Variants in EXOC6B observed in about 807,000 individuals in gnomAD.
EXOC6B encodes exocyst complex component 6B, also known as SEC15 homolog B.
Under a neutral mutation model 113.5 loss-of-function variants are expected in EXOC6B, and 54 were observed. The ratio of observed to expected loss-of-function variants is 0.48; its 90% CI spans 0.38 to 0.60. The LOEUF (loss-of-function observed/expected upper bound fraction) is 0.60. EXOC6B is among the 20% of genes least tolerant of loss of function. The pLI, the probability that EXOC6B is intolerant of heterozygous loss-of-function variation, is 0.00. For missense variants in EXOC6B, 797 were observed against 977.5 expected (o/e 0.82, Z 2.46); for synonymous variants, 357 against 339.0 (o/e 1.05, Z -0.58).
chr2:72,427,624 G>A (rs1206922148), intron 18 of EXOC6B, among the ~76,000 whole-genome samples: 1 of 152,222 alleles, frequency 6.6e-6, no homozygotes, highest in Non-Finnish European at 1.5e-5. Flanking sequence ...GGGGTGCTGA[G>A]AGGAACTCAG....
chr2:72,766,956 GAAAA>G (rs971595036), intron 1 of EXOC6B, among the ~76,000 whole-genome samples: 1 of 56,880 alleles, frequency 1.8e-5, no homozygotes, highest in African/African-American at 6.2e-5. Context: ...TGTCTCAAAA[GAAAA>G]AAAAAAAAAA....
At position 72,775,983 on chromosome 2, in the gene EXOC6B, T is replaced by G. The variant is rs189750109; in HGVS notation, c.114-34514A>C. ...CTGGTTTGATATTATAGCATTGTTT[T>G]GCAAGATGTTACTGAGGGGAATTAA... On this transcript the variant is annotated intron_variant, in intron 1 of 21. Transcript: ENST00000272427. Among the ~76,000 whole-genome samples the G allele has an allele frequency of 5.3e-5, 8 of 152,336 alleles. No individual in the cohort carries two copies. In the East Asian group the frequency reaches 1.5e-3, roughly 29 times the overall value.
intron 2 of EXOC6B, among the ~76,000 whole-genome samples, chr2:72,737,808 C>T (rs1412565338): frequency 2.6e-5 from 4 of 151,946 alleles, no homozygotes; most frequent in African/African-American, 9.7e-5. Flanking sequence ...ACCAAGATCA[C>T]GCTGCTGCAC....
chr2:72,581,951 T>G (rs145347638), intron 6 of EXOC6B, among the ~76,000 whole-genome samples: 299 of 152,226 alleles, frequency 2.0e-3, no homozygotes, highest in African/African-American at 6.9e-3. Context: ...AACAGAGAGC[T>G]TCTCCCAATA....
At chr2:72,492,552 A>C in intron 15 of EXOC6B, 123 bp from the exon 16 acceptor site, 1 of 531,460 alleles carries the variant, frequency 1.9e-6, no homozygotes, top group Non-Finnish European at 3.4e-6. Context: ...AATAATACTT[A>C]TTGTAAGTCA....
At chr2:72,242,703 AAAT>A in intron 20 of EXOC6B, among the ~76,000 whole-genome samples, 1 of 152,302 alleles carries the variant, frequency 6.6e-6, no homozygotes, top group Admixed American at 6.5e-5. Context: ...AGAGTGAATA[AAAT>A]AATAAGACCC....
At chr2:72,428,463 CCATGCCAG>C (rs1256482790) in intron 18 of EXOC6B, among the ~76,000 whole-genome samples, 1 of 152,168 alleles carries the variant, frequency 6.6e-6, no homozygotes, top group Non-Finnish European at 1.5e-5. Context: ...GAGCTGGAAC[CCATGCCAG>C]CACCTGGAGC....
intron 20 of EXOC6B, among the ~76,000 whole-genome samples, chr2:72,272,120 G>A (rs1023889612): frequency 6.6e-6 from 1 of 152,178 alleles, no homozygotes; most frequent in Non-Finnish European, 1.5e-5. Context: ...CTTTATCAGG[G>A]AGGTAAAAAA....
intron 6 of EXOC6B, among the ~76,000 whole-genome samples, chr2:72,692,549 C>T (rs1163531110): frequency 1.3e-5 from 2 of 152,084 alleles, no homozygotes; most frequent in African/African-American, 4.8e-5. Flanking sequence ...GACGGGGTTT[C>T]ACCATGTTAG....
chr2:72,604,354 T>C (rs1670620653), intron 6 of EXOC6B, among the ~76,000 whole-genome samples: 1 of 152,174 alleles, frequency 6.6e-6, no homozygotes, highest in Non-Finnish European at 1.5e-5. Context: ...ACTTTACCCT[T>C]AAAATGAGAA....
chr2:72,387,395 G>C (rs1692098201), intron 18 of EXOC6B, among the ~76,000 whole-genome samples: 1 of 152,148 alleles, frequency 6.6e-6, no homozygotes, highest in Non-Finnish European at 1.5e-5. Context: ...ATTTTGCTTA[G>C]AATTGGTTTA....
chr2:72,176,111 G>C lies in EXOC6B; in HGVS notation c.*3224C>G, dbSNP rs1408449471. ...CTAACCATGCGGCCCATCTGTATCAGTAGCTTTACAAGTAAGTTTTAGAGA... is the reference window on the plus strand; with the variant it reads ...CTAACCATGCGGCCCATCTGTATCACTAGCTTTACAAGTAAGTTTTAGAGA... On this transcript the variant is annotated 3_prime_UTR_variant, in exon 22 of 22. Transcript: ENST00000272427. 6.6e-6 allele frequency: 1 copy of C among 152,210 alleles called. No individual in the cohort carries two copies. The highest frequency in any genetic ancestry group is 1.5e-5 in the Non-Finnish European group (1 of 68,038). The allele number at this position is 152,210 out of a possible 1,614,324, so 9.4% of individuals were successfully genotyped here. A position where few individuals can be genotyped will look rare whatever the true frequency, so the allele number is the denominator to read the frequency against.
chr2:72,773,658 C>A (rs138854009), intron 1 of EXOC6B, among the ~76,000 whole-genome samples: 1 of 151,738 alleles, frequency 6.6e-6, no homozygotes, highest in East Asian at 1.9e-4. Flanking sequence ...TAACAATGAA[C>A]CCACTACAAG....
chr2:72,568,661 T>C (rs1265853049), intron 7 of EXOC6B, among the ~76,000 whole-genome samples: 2 of 152,038 alleles, frequency 1.3e-5, no homozygotes, highest in Non-Finnish European at 2.9e-5. Context: ...ATGTGTAACT[T>C]TTCTGAAGAT....
intron 18 of EXOC6B, among the ~76,000 whole-genome samples, chr2:72,421,783 G>C (rs1289144096): frequency 1.3e-5 from 2 of 152,242 alleles, no homozygotes; most frequent in Non-Finnish European, 2.9e-5. Flanking sequence ...TTCTGGGCTG[G>C]CCAAGGCTGG....
intron 20 of EXOC6B, among the ~76,000 whole-genome samples, chr2:72,300,706 T>G (rs751937404): frequency 1.6e-4 from 25 of 152,162 alleles, no homozygotes; most frequent in Admixed American, 5.9e-4. Context: ...ATGGGAAAAG[T>G]GCAGTATCTG....
chr2:72,299,270 T>A (rs1686349344), intron 20 of EXOC6B, among the ~76,000 whole-genome samples: 1 of 151,818 alleles, frequency 6.6e-6, no homozygotes, highest in South Asian at 2.1e-4. Context: ...TTCTGCTTGA[T>A]CAATTCGGCT....
intron 1 of EXOC6B, among the ~76,000 whole-genome samples, chr2:72,778,143 G>A (rs917367459): frequency 1.3e-5 from 2 of 152,142 alleles, no homozygotes; most frequent in Admixed American, 6.5e-5. Flanking sequence ...GGCAGAGATT[G>A]ACATGATAAG....
At chr2:72,697,223 G>A (rs937588861) in intron 6 of EXOC6B, among the ~76,000 whole-genome samples, 3 of 152,072 alleles carry the variant, frequency 2.0e-5, no homozygotes, top group Non-Finnish European at 2.9e-5. Flanking sequence ...GCCACTGACT[G>A]AGCTAATGAG....
Sources: gnomAD v4.1 joint callset for allele counts (sites outside exome capture counted in the v4.1 genomes callset) on GRCh38, gnomAD v4.1.1 for gene constraint, MANE v1.5 for transcripts, NCBI Gene and HGNC (gene_info 2026-07-23, HGNC 2026-07-21) for gene names.